Variants in CCDC110 observed in about 807,000 individuals in gnomAD.
CCDC110 encodes coiled-coil domain-containing protein 110.
CCDC110 carries 70 observed loss-of-function variants against 77.1 expected under a neutral mutation model. That is an observed-to-expected ratio of 0.91 (90% confidence interval 0.75 to 1.11). CCDC110 has a LOEUF of 1.11. Among genes scored for constraint, CCDC110 ranks in the 50% least tolerant of loss-of-function variants. The pLI is 0.00. For synonymous variants in CCDC110, 295 were observed against 312.5 expected (o/e 0.94, Z 0.59); for missense variants, 868 against 942.9 (o/e 0.92, Z 1.04).
chr4:185,446,185 A>G (rs1369728108), intron 6 of CCDC110, among the ~76,000 whole-genome samples: 1 of 152,238 alleles, frequency 6.6e-6, no homozygotes, highest in Non-Finnish European at 1.5e-5. Flanking sequence ...TCTTTAGAAC[A>G]ATGTATTTAT....
At chr4:185,469,513 A>G (rs12647749) in intron 2 of CCDC110, among the ~76,000 whole-genome samples, 21,278 of 152,212 alleles carry the variant, frequency 0.14, 2,704 homozygotes, top group African/African-American at 0.33. Flanking sequence ...AGGTACTTCT[A>G]TTTCTTCTGA....
In CCDC110 at chr4:185,469,747, C is replaced by T. The variant is rs147768959; in HGVS notation, c.115+1198G>A. On this transcript the variant is annotated intron_variant, in intron 2 of 6. Transcript: ENST00000307588. The stretch of plus-strand genomic sequence containing the variant: ...CTCATCCTGGTAGTGCCTGGGCACC[C>T]GGGTGTCTTCTGTCTACTGAGGTGT... Among the ~76,000 whole-genome samples, 1,188 of 152,302 alleles carry T rather than the reference C, an allele frequency of 7.8e-3. 13 individuals carry two copies. Among genetic ancestry groups the T allele is most frequent in the African/African-American group, 0.024 (1,002 of 41,548 alleles).
At chr4:185,457,310 G>T (rs764316697) in intron 6 of CCDC110, 3 of 456,314 alleles carry the variant, frequency 6.6e-6, no homozygotes, top group Middle Eastern at 6.5e-4. Flanking sequence ...AGCCAGGGCA[G>T]GCATGTGTAT....
chr4:185,458,253 A>G lies in CCDC110; in HGVS notation c.2334T>C (p.Ile778=), dbSNP rs768647360. Residue 778 remains isoleucine, a synonymous_variant, in exon 6 of 7, where the codon ATT becomes ATC. Transcript: ENST00000307588. ...QREYLSLSDK[I]CNQHNDPSKT... Reference sequence around the variant, plus strand: ...TTGAAGGGTCATTATGCTGATTACAAATTTTATCACTTAAACTTAAATATT... The same window carrying G: ...TTGAAGGGTCATTATGCTGATTACAGATTTTATCACTTAAACTTAAATATT... The G allele has an allele frequency of 1.4e-5, 22 of 1,601,812 alleles. No homozygotes were observed. The highest frequency in any genetic ancestry group is 1.7e-5 in the Non-Finnish European group (20 of 1,177,140).
chr4:185,451,659 G>A (rs2095629416), intron 6 of CCDC110, among the ~76,000 whole-genome samples: 1 of 152,164 alleles, frequency 6.6e-6, no homozygotes, highest in Non-Finnish European at 1.5e-5. Flanking sequence ...TATCAATAAT[G>A]TTACCAAAAA....
intron 2 of CCDC110, among the ~76,000 whole-genome samples, chr4:185,470,223 T>C (rs2095663395): frequency 6.6e-6 from 1 of 152,230 alleles, no homozygotes. Context: ...CACCCCTCCC[T>C]GGATATCCAC....
intron 6 of CCDC110, among the ~76,000 whole-genome samples, chr4:185,446,080 A>G (rs1242880350): frequency 6.6e-6 from 1 of 152,136 alleles, no homozygotes; most frequent in Non-Finnish European, 1.5e-5. Flanking sequence ...ACCTCAGGTG[A>G]TCCACCCACC....
chr4:185,467,858 T>C (rs1261944947), intron 2 of CCDC110, among the ~76,000 whole-genome samples: 24 of 152,224 alleles, frequency 1.6e-4, no homozygotes, highest in Non-Finnish European at 2.9e-5. Flanking sequence ...AACCTCTGCC[T>C]CCCGGGTTCA....
chr4:185,459,632 CTA>C lies in CCDC110; in HGVS notation c.953_954del (p.Leu318CysfsTer20). ...KSKRISELEA[L>X]VKKLLPFRET... ...TCCCTGAAGGGGAGTAATTTCTTCA[CTA>C]ATGCCTCTAATTCTGAAATTCTCTT... On this transcript the variant is annotated frameshift_variant, in exon 6 of 7. Coordinates refer to ENST00000307588, the MANE Select transcript of CCDC110 (RefSeq NM_152775.4). LOFTEE classifies it high-confidence loss of function. The C allele has an allele frequency of 1.2e-6, 2 of 1,612,004 alleles. No homozygotes were observed.
At chr4:185,470,610 G>C in intron 2 of CCDC110, 1 of 486,826 alleles carries the variant, frequency 2.1e-6, no homozygotes. Flanking sequence ...GGAGCGTAGC[G>C]TGGTGGTGAA....
chr4:185,468,165 A>T lies in CCDC110; in HGVS notation c.115+2780T>A, dbSNP rs1364652368. Among the ~76,000 whole-genome samples, 1 of 152,198 alleles carries T rather than the reference A, an allele frequency of 6.6e-6. No homozygotes were observed. Among genetic ancestry groups the T allele is most frequent in the African/African-American group, 2.4e-5 (1 of 41,448 alleles). ...TGTGAGGTGTGGCACCCTCTGCATGAGGCTTTGTCACAGTCATTATGCAAG... is the reference window on the plus strand; with the variant it reads ...TGTGAGGTGTGGCACCCTCTGCATGTGGCTTTGTCACAGTCATTATGCAAG... On this transcript the variant is annotated intron_variant, in intron 2 of 6. Transcript: ENST00000307588. The surrounding 1 kb of genome is among the most constrained non-coding windows in gnomAD (Gnocchi z 4.5).
At position 185,459,576 on chromosome 4, in the gene CCDC110, AC is replaced by A. The variant is rs775092263; in HGVS notation, c.1010del (p.Cys337LeufsTer35). ...TCTTAGATAACTTTTTACATTTTCT[AC>A]AAAAATGCACATGGAATTTTGACAC... The part of the protein sequence containing the change: ...ETVSKFHVHF[C>X]RKCKKLSKSE... On this transcript the variant is annotated frameshift_variant, in exon 6 of 7. Transcript: ENST00000307588. LOFTEE classifies it high-confidence loss of function. The A allele has an allele frequency of 1.2e-4, 187 of 1,613,080 alleles. No homozygotes were observed. Among genetic ancestry groups the A allele is most frequent in the Non-Finnish European group, 1.5e-4 (174 of 1,179,648 alleles).
intron 1 of CCDC110, 49 bp from the exon 2 acceptor site, chr4:185,471,098 G>T (rs759699091): frequency 1.1e-6 from 1 of 870,324 alleles, no homozygotes. Context: ...GTGGCGTGGC[G>T]GGGCTGAAGG....
intron 2 of CCDC110, 109 bp downstream of exon 2, chr4:185,470,836 G>C: frequency 1.2e-6 from 1 of 818,614 alleles, no homozygotes; most frequent in East Asian, 2.5e-5. Context: ...GGTGGCTGCT[G>C]TCCGTGTCAT....
In CCDC110 at chr4:185,466,088, T is replaced by G. The variant is rs535614042; in HGVS notation, c.116-3039A>C. On this transcript the variant is annotated intron_variant, in intron 2 of 6. Transcript: ENST00000307588. ...GCAGCAATGAACACATCATTCAACATGGATGGGCCGGGTGCAGTGGCTCGC... is the reference window on the plus strand; with the variant it reads ...GCAGCAATGAACACATCATTCAACAGGGATGGGCCGGGTGCAGTGGCTCGC... 3.3e-5 allele frequency among the ~76,000 whole-genome samples: 5 copies of G among 152,242 alleles called. No individual in the cohort carries two copies. In the East Asian group the frequency reaches 9.7e-4, roughly 29 times the overall value.
At position 185,451,286 on chromosome 4, in the gene CCDC110, G is replaced by A. The variant is rs144053673; in HGVS notation, c.2462-5744C>T. Among the ~76,000 whole-genome samples the A allele has an allele frequency of 2.8e-3, 430 of 152,202 alleles. 2 individuals are homozygous for A. The highest frequency in any genetic ancestry group is 0.017 in the Middle Eastern group (5 of 294). On this transcript the variant is annotated intron_variant, in intron 6 of 6. Transcript: ENST00000307588. The stretch of plus-strand genomic sequence containing the variant: ...CAGCATTGTGAAAATGGACAAATAC[G>A]TGGTGCTTTGCTAGAACTTGTCCTT...
At position 185,468,515 on chromosome 4, in the gene CCDC110, C is replaced by T. The variant is rs949079428; in HGVS notation, c.115+2430G>A. On this transcript the variant is annotated intron_variant, in intron 2 of 6. Coordinates refer to ENST00000307588, the MANE Select transcript of CCDC110 (RefSeq NM_152775.4). This position sits in a 1 kb window ranked among gnomAD's most constrained non-coding sequence, Gnocchi z 4.5. ...TACAAAGCCCTGTCCTGGTTCCTCC[C>T]GCCTACCCTTCCCTACTTGTTCTGC... is the stretch of plus-strand genomic sequence containing the variant. Among the ~76,000 whole-genome samples, 3 of 152,170 alleles carry T rather than the reference C, an allele frequency of 2.0e-5. No individual in the cohort carries two copies. Among genetic ancestry groups the T allele is most frequent in the Admixed American group, 6.5e-5 (1 of 15,278 alleles).
At chr4:185,456,343 A>G (rs1166318537) in intron 6 of CCDC110, among the ~76,000 whole-genome samples, 1 of 152,200 alleles carries the variant, frequency 6.6e-6, no homozygotes, top group African/African-American at 2.4e-5. Flanking sequence ...CTATTAATGC[A>G]GGTACGAAAC....
Position 185,463,721 on chromosome 4 carries a change from G to A in CCDC110, c.116-672C>T, listed in dbSNP as rs549409842. Among the ~76,000 whole-genome samples the A allele has an allele frequency of 5.9e-5, 9 of 152,286 alleles. No homozygotes were observed. The South Asian group carries it at 1.9e-3, about 32-fold the overall frequency. ...GTGTACTCCTTTGTTCTGCTTAAGT[G>A]TGTGTGTCATATGATACCTGGCCAA... On this transcript the variant is annotated intron_variant, in intron 2 of 6. Coordinates refer to ENST00000307588, the MANE Select transcript of CCDC110 (RefSeq NM_152775.4).
Sources: gnomAD v4.1 joint callset for allele counts (sites outside exome capture counted in the v4.1 genomes callset) on GRCh38, gnomAD v4.1.1 for gene constraint, Gnocchi (gnomAD v3.1) non-coding constraint, MANE v1.5 for transcripts, NCBI Gene and HGNC (gene_info 2026-07-23, HGNC 2026-07-21) for gene names.